The following CHL1 variants were observed in gnomAD, a reference collection of about 807,000 sequenced individuals.
CHL1 encodes the protein cell adhesion molecule L1 like.
Under a neutral mutation model 141.9 loss-of-function variants are expected in CHL1, and 96 were observed. That is an observed-to-expected ratio of 0.68 (90% CI 0.57 to 0.80). CHL1 has a LOEUF of 0.80. Among genes scored for constraint, CHL1 ranks in the 30% least tolerant of loss-of-function variants. CHL1 has a pLI of 0.00. For missense variants in CHL1, 1,820 were observed against 1,457.2 expected, an observed-to-expected ratio of 1.25 and a Z score of -4.05; for synonymous variants, 613 against 502.2, an observed-to-expected ratio of 1.22 and a Z score of -2.95.
chr3:383,613 T>C (rs1013194258), intron 18 of CHL1, among the ~76,000 whole-genome samples: 1 of 152,124 alleles, frequency 6.6e-6, no homozygotes, highest in Non-Finnish European at 1.5e-5. Flanking sequence ...ATTATTTCAC[T>C]CCAAGAAGAC....
chr3:234,556 G>C (rs1338223414), intron 1 of CHL1, among the ~76,000 whole-genome samples: 1 of 152,132 alleles, frequency 6.6e-6, no homozygotes, highest in Non-Finnish European at 1.5e-5. Context: ...AAGGAAAACA[G>C]AAAGTTTAGC....
chr3:361,604 T>C lies in CHL1; in HGVS notation c.1307-95T>C. The C allele has an allele frequency of 3.9e-6, 3 of 762,256 alleles. 1 individual carries two copies. Among genetic ancestry groups the C allele is most frequent in the South Asian group, 3.2e-5 (2 of 62,682 alleles). The allele number at this position is 762,256 out of a possible 1,614,324, so 47.2% of individuals were successfully genotyped here. ...GACACCATAATATTCTGCTGTTTTC[T>C]GTTTGTATTCGTATGACTAGGACAT... is the stretch of plus-strand genomic sequence containing the variant. On this transcript the variant is annotated intron_variant, in intron 12 of 27. Coordinates refer to ENST00000256509, the MANE Select transcript of CHL1 (RefSeq NM_006614.4).
At chr3:292,354 G>C (rs1428233342) in intron 2 of CHL1, among the ~76,000 whole-genome samples, 2 of 152,182 alleles carry the variant, frequency 1.3e-5, no homozygotes, top group Non-Finnish European at 2.9e-5. Context: ...AGCTTTACTT[G>C]ACTTTCCCAC....
At chr3:203,842 G>C (rs1699171515) in intron 1 of CHL1, among the ~76,000 whole-genome samples, 1 of 152,254 alleles carries the variant, frequency 6.6e-6, no homozygotes, top group Non-Finnish European at 1.5e-5. Flanking sequence ...TCCCAGAGCA[G>C]AGCAGGATGG....
intron 15 of CHL1, among the ~76,000 whole-genome samples, chr3:375,375 G>A (rs1261178266): frequency 1.3e-5 from 2 of 151,932 alleles, no homozygotes; most frequent in East Asian, 1.9e-4. Context: ...GGGAGGAAAG[G>A]GCATTGAGAA....
Position 275,567 on chromosome 3 carries a change from A to G in CHL1, c.-95+30875A>G, listed in dbSNP as rs1696018837. On this transcript the variant is annotated intron_variant, in intron 2 of 27. Transcript: ENST00000256509. ...TTTTGTTACCTATAGCAAAATATTT[A>G]CTGCTTTGTTGCAGAGAAAGCTAGC... Among the ~76,000 whole-genome samples, 3 of 152,200 alleles carry G rather than the reference A, an allele frequency of 2.0e-5. 1 individual carries two copies. The South Asian group carries it at 6.2e-4, about 31-fold the overall frequency.
chr3:328,096 C>T, intron 4 of CHL1, 71 bp from the exon 5 acceptor site: 5 of 1,161,000 alleles, frequency 4.3e-6, no homozygotes, highest in Non-Finnish European at 4.8e-6. Flanking sequence ...CAATTTTATG[C>T]AATTGTTAAT....
At chr3:360,803 C>G (rs1328500723) in intron 12 of CHL1, among the ~76,000 whole-genome samples, 4 of 139,746 alleles carry the variant, frequency 2.9e-5, no homozygotes, top group Admixed American at 7.6e-5. Context: ...CATGTGATCT[C>G]ATTGTTCAAT....
At chr3:351,215 C>T (rs927667522) in intron 10 of CHL1, among the ~76,000 whole-genome samples, 1 of 152,124 alleles carries the variant, frequency 6.6e-6, no homozygotes, top group Non-Finnish European at 1.5e-5. Context: ...ATTAATTATG[C>T]AATTTAAAAT....
chr3:277,848 C>A (rs572104572), intron 2 of CHL1, among the ~76,000 whole-genome samples: 1 of 152,264 alleles, frequency 6.6e-6, no homozygotes, highest in African/African-American at 2.4e-5. Context: ...TTACATGATG[C>A]AAATATTTTG....
intron 1 of CHL1, among the ~76,000 whole-genome samples, chr3:242,145 A>C (rs73020846): frequency 0.014 from 2,174 of 152,286 alleles, 45 homozygotes; most frequent in Non-Finnish European, 0.016. Context: ...GAAATGTTTA[A>C]AAATGAGATG....
chr3:348,966 G>T (rs997961681), intron 9 of CHL1, among the ~76,000 whole-genome samples: 1 of 152,362 alleles, frequency 6.6e-6, no homozygotes, highest in East Asian at 1.9e-4. Context: ...GAATAGGGCT[G>T]TTATCACTGG....
At chr3:306,326 T>A (rs1447636400) in intron 2 of CHL1, among the ~76,000 whole-genome samples, 1 of 152,198 alleles carries the variant, frequency 6.6e-6, no homozygotes, top group Non-Finnish European at 1.5e-5. Context: ...ATACGTTTGC[T>A]TTTAATGATT....
At chr3:348,310 C>T (rs1469732678) in intron 9 of CHL1, among the ~76,000 whole-genome samples, 1 of 152,108 alleles carries the variant, frequency 6.6e-6, no homozygotes. Flanking sequence ...ATCTTTAGAA[C>T]TCACCAAATA....
intron 2 of CHL1, among the ~76,000 whole-genome samples, chr3:261,717 A>C (rs980052781): frequency 6.6e-6 from 1 of 152,174 alleles, no homozygotes; most frequent in African/African-American, 2.4e-5. Context: ...CCACAGACTT[A>C]ACAACCAGCT....
At chr3:387,030 T>C (rs1388486281) in intron 19 of CHL1, among the ~76,000 whole-genome samples, 1 of 152,150 alleles carries the variant, frequency 6.6e-6, no homozygotes, top group Non-Finnish European at 1.5e-5. Context: ...TTCTCAAGAA[T>C]AAATAAAAAT....
intron 1 of CHL1, among the ~76,000 whole-genome samples, chr3:214,082 T>C (rs931707375): frequency 9.2e-5 from 14 of 152,180 alleles, no homozygotes; most frequent in African/African-American, 2.9e-4. Context: ...CACAGAAAGA[T>C]TGAGGAAGGC....
At chr3:314,243 A>G (rs1343670296) in intron 2 of CHL1, among the ~76,000 whole-genome samples, 1 of 149,546 alleles carries the variant, frequency 6.7e-6, no homozygotes, top group Non-Finnish European at 1.5e-5. Context: ...CCATTAGGAA[A>G]ATGTTAAAAT....
At chr3:265,164 G>A (rs1006028740) in intron 2 of CHL1, among the ~76,000 whole-genome samples, 1 of 152,192 alleles carries the variant, frequency 6.6e-6, no homozygotes, top group African/African-American at 2.4e-5. Flanking sequence ...AAGAGAGAGG[G>A]TTCCAGAGAC....
Sources: gnomAD v4.1 joint callset for allele counts (sites outside exome capture counted in the v4.1 genomes callset) on GRCh38, gnomAD v4.1.1 for gene constraint, MANE v1.5 for transcripts, NCBI Gene and HGNC (gene_info 2026-07-23, HGNC 2026-07-21) for gene names.